Variants in TNR observed in about 807,000 individuals in gnomAD.
The protein encoded by TNR is tenascin-R.
TNR carries 45 observed loss-of-function variants against 150.4 expected under a neutral mutation model. The observed-to-expected ratio is 0.30, with a 90% CI of 0.24 to 0.38. TNR has a LOEUF of 0.38. Among genes scored for constraint, TNR ranks in the 10% least tolerant of loss-of-function variants. The probability of loss-of-function intolerance (pLI) is 1.00; values close to 1 mark genes in which losing one functional copy is unlikely to be tolerated. For synonymous variants in TNR, 687 were observed against 678.4 expected (o/e 1.01, Z -0.20); for missense variants, 1,544 against 1,759.1 (o/e 0.88, Z 2.19).
chr1:175,502,247 A>T (rs1658768675), intron 2 of TNR, among the ~76,000 whole-genome samples: 1 of 152,148 alleles, frequency 6.6e-6, no homozygotes, highest in Non-Finnish European at 1.5e-5. Context: ...TAACCCTAAT[A>T]TGCACCAAAG....
At chr1:175,396,876 C>A in intron 4 of TNR, 69 bp from the exon 5 acceptor site, 5 of 1,556,174 alleles carry the variant, frequency 3.2e-6, no homozygotes, top group Non-Finnish European at 4.4e-6. Context: ...ACTCAACTTT[C>A]TTCCTCACAT....
At chr1:175,421,253 C>T (rs941813008) in intron 2 of TNR, among the ~76,000 whole-genome samples, 1 of 152,178 alleles carries the variant, frequency 6.6e-6, no homozygotes, top group Admixed American at 6.5e-5. Flanking sequence ...GACTGGATCA[C>T]CAGGCCCCAT....
chr1:175,738,599 G>A (rs991990619), intron 1 of TNR, among the ~76,000 whole-genome samples: 4 of 152,080 alleles, frequency 2.6e-5, no homozygotes, highest in Non-Finnish European at 5.9e-5. Flanking sequence ...TGGTGATGAT[G>A]GTTGCATACA....
intron 1 of TNR, among the ~76,000 whole-genome samples, chr1:175,695,780 T>C (rs1666496873): frequency 6.6e-6 from 1 of 152,226 alleles, no homozygotes; most frequent in Non-Finnish European, 1.5e-5. Flanking sequence ...TCAGAACACT[T>C]TCCTAAGTTC....
chr1:175,605,526 C>T (rs1244997569), intron 1 of TNR, among the ~76,000 whole-genome samples: 1 of 152,170 alleles, frequency 6.6e-6, no homozygotes, highest in African/African-American at 2.4e-5. Flanking sequence ...ATGAACATAG[C>T]ATTGTGGCCA....
At chr1:175,581,793 G>A (rs1233067070) in intron 1 of TNR, among the ~76,000 whole-genome samples, 1 of 152,114 alleles carries the variant, frequency 6.6e-6, no homozygotes, top group East Asian at 1.9e-4. Context: ...AATAAAGAAA[G>A]ATAAGGCTAG....
rs77260249 is a variant in TNR, at chr1:175,667,936, T to C, written c.-165+75290A>G. Among the ~76,000 whole-genome samples, 95 of 152,342 alleles carry C rather than the reference T, an allele frequency of 6.2e-4. No individual in the cohort carries two copies. In the Middle Eastern group the frequency reaches 0.014, roughly 22 times the overall value. On this transcript the variant is annotated intron_variant, in intron 1 of 22. Transcript: ENST00000367674. ...GAGACACAATCTACTCATGCCTTGCTACTCAAAGTGTAGCCATGGGTTAGC... is the reference window on the plus strand; with the variant it reads ...GAGACACAATCTACTCATGCCTTGCCACTCAAAGTGTAGCCATGGGTTAGC...
chr1:175,596,410 T>C (rs1269066657), intron 1 of TNR, among the ~76,000 whole-genome samples: 2 of 152,168 alleles, frequency 1.3e-5, no homozygotes, highest in African/African-American at 4.8e-5. Flanking sequence ...TCCCTCTTGT[T>C]TGTGGCCTAC....
At chr1:175,483,288 C>G (rs986565613) in intron 2 of TNR, among the ~76,000 whole-genome samples, 2 of 152,058 alleles carry the variant, frequency 1.3e-5, no homozygotes, top group African/African-American at 4.8e-5. Context: ...TGCCTGGGCT[C>G]AGCAAGAGAG....
At chr1:175,488,627 C>T (rs1297773134) in intron 2 of TNR, among the ~76,000 whole-genome samples, 2 of 152,220 alleles carry the variant, frequency 1.3e-5, no homozygotes, top group Non-Finnish European at 2.9e-5. Flanking sequence ...AGGCACTGCT[C>T]TCCAGGAAAG....
chr1:175,365,579 T>C (rs145928077), intron 11 of TNR, among the ~76,000 whole-genome samples: 4 of 152,344 alleles, frequency 2.6e-5, no homozygotes, highest in Non-Finnish European at 5.9e-5. Flanking sequence ...ATGGATCCTC[T>C]GAATTCCCAC....
chr1:175,654,157 A>C (rs1484933601), intron 1 of TNR, among the ~76,000 whole-genome samples: 1 of 152,178 alleles, frequency 6.6e-6, no homozygotes, highest in East Asian at 1.9e-4. Flanking sequence ...ATTTCTGCAA[A>C]TATCCTCTCA....
chr1:175,683,669 A>G (rs1666106336), intron 1 of TNR, among the ~76,000 whole-genome samples: 1 of 152,166 alleles, frequency 6.6e-6, no homozygotes, highest in South Asian at 2.1e-4. Context: ...CCTCAGCTCA[A>G]ACACCTGCAG....
intron 2 of TNR, among the ~76,000 whole-genome samples, chr1:175,416,915 G>A (rs1365951257): frequency 1.3e-5 from 2 of 152,116 alleles, no homozygotes; most frequent in Non-Finnish European, 2.9e-5. Flanking sequence ...GGCTGAGGCA[G>A]GAGAATGGCG....
At chr1:175,503,727 T>C (rs1039088166) in intron 2 of TNR, among the ~76,000 whole-genome samples, 17 of 152,222 alleles carry the variant, frequency 1.1e-4, no homozygotes, top group African/African-American at 3.9e-4. Flanking sequence ...ATAACAGCAT[T>C]CAAGCTGAGC....
At chr1:175,499,485 G>C (rs1285874716) in intron 2 of TNR, among the ~76,000 whole-genome samples, 1 of 152,138 alleles carries the variant, frequency 6.6e-6, no homozygotes, top group Non-Finnish European at 1.5e-5. Flanking sequence ...TAAGACCTGG[G>C]TATGTTTTGC....
intron 18 of TNR, 99 bp downstream of exon 18, chr1:175,354,292 T>C (rs1651212638): frequency 6.7e-7 from 1 of 1,486,698 alleles, no homozygotes; most frequent in Non-Finnish European, 9.0e-7. Flanking sequence ...CTGAGCTTTT[T>C]TGATAAACTG....
intron 1 of TNR, among the ~76,000 whole-genome samples, chr1:175,714,499 G>T (rs184989179): frequency 6.6e-6 from 1 of 152,218 alleles, no homozygotes; most frequent in East Asian, 1.9e-4. Flanking sequence ...GTATTGACTG[G>T]CCAATCAATT....
intron 2 of TNR, among the ~76,000 whole-genome samples, chr1:175,522,288 C>T (rs1487462616): frequency 6.6e-6 from 1 of 152,226 alleles, no homozygotes; most frequent in Non-Finnish European, 1.5e-5. Flanking sequence ...ATAGGGCTAA[C>T]TCATGGCCAA....
Sources: gnomAD v4.1 joint callset for allele counts (sites outside exome capture counted in the v4.1 genomes callset) on GRCh38, gnomAD v4.1.1 for gene constraint, MANE v1.5 for transcripts, NCBI Gene and HGNC (gene_info 2026-07-23, HGNC 2026-07-21) for gene names.